The following KCNH5 variants were observed in gnomAD, a reference collection of about 807,000 sequenced individuals.
KCNH5 encodes the protein potassium voltage-gated channel subfamily H member 5.
KCNH5 carries 46 observed loss-of-function variants against 96.1 expected under a neutral mutation model. The ratio of observed to expected loss-of-function variants is 0.48; its 90% CI spans 0.38 to 0.61. The LOEUF (loss-of-function observed/expected upper bound fraction) is 0.61, where lower values mean the gene tolerates loss of function less well. Among genes scored for constraint, KCNH5 ranks in the 20% least tolerant of loss-of-function variants. KCNH5 has a pLI of 0.00. For missense variants in KCNH5, 907 were observed against 1,225.8 expected (o/e 0.74, Z 3.88); for synonymous variants, 439 against 449.8 (o/e 0.98, Z 0.30).
rs555264207 is a variant in KCNH5, at chr14:62,731,815, C to G, written c.2020-23360G>C. ...TTTGAGGAATGATCACCAATGGCCT[C>G]CTTCCCTTTGGTTCTGCCCTACCAC... On this transcript the variant is annotated intron_variant, in intron 10 of 10. Coordinates refer to ENST00000322893, the MANE Select transcript of KCNH5 (RefSeq NM_139318.5). Among the ~76,000 whole-genome samples, 3 of 152,236 alleles carry G rather than the reference C, an allele frequency of 2.0e-5. No individual in the cohort carries two copies. In the East Asian group the frequency reaches 5.8e-4, roughly 29 times the overall value.
intron 5 of KCNH5, among the ~76,000 whole-genome samples, chr14:62,982,286 G>A (rs1355034851): frequency 6.6e-6 from 1 of 152,026 alleles, no homozygotes; most frequent in East Asian, 1.9e-4. Context: ...CTGAGATTGT[G>A]CCACTGCACT....
chr14:62,931,945 A>G (rs1280353253), intron 7 of KCNH5, among the ~76,000 whole-genome samples: 1 of 152,186 alleles, frequency 6.6e-6, no homozygotes, highest in Non-Finnish European at 1.5e-5. Context: ...TCTATTCTCC[A>G]TTCAGCTTCC....
intron 10 of KCNH5, among the ~76,000 whole-genome samples, chr14:62,730,830 G>C (rs1384701384): frequency 6.6e-6 from 1 of 152,092 alleles, no homozygotes; most frequent in African/African-American, 2.4e-5. Context: ...AACCACAAAG[G>C]AATAATTTAC....
intron 10 of KCNH5, among the ~76,000 whole-genome samples, chr14:62,734,049 A>C (rs1566642989): frequency 6.6e-6 from 1 of 152,114 alleles, no homozygotes; most frequent in Non-Finnish European, 1.5e-5. Flanking sequence ...TGCCAAAATC[A>C]TTATCCTAAC....
intron 7 of KCNH5, among the ~76,000 whole-genome samples, chr14:62,905,029 C>T (rs1390865290): frequency 6.6e-6 from 1 of 152,166 alleles, no homozygotes; most frequent in Non-Finnish European, 1.5e-5. Context: ...TGTATTTCTT[C>T]AGTATTGCCC....
At chr14:62,720,515 G>A (rs778427340) in intron 10 of KCNH5, among the ~76,000 whole-genome samples, 17 of 152,162 alleles carry the variant, frequency 1.1e-4, no homozygotes, top group South Asian at 2.1e-4. Context: ...CCCGGGAGGC[G>A]GAGCCTGCAC....
chr14:62,782,205 G>A (rs1224855867), intron 9 of KCNH5, among the ~76,000 whole-genome samples: 1 of 152,230 alleles, frequency 6.6e-6, no homozygotes, highest in East Asian at 1.9e-4. Flanking sequence ...GAAATAGAGA[G>A]GTTGAGTGAG....
chr14:62,790,839 A>T (rs564299092), intron 9 of KCNH5, among the ~76,000 whole-genome samples: 1 of 151,896 alleles, frequency 6.6e-6, no homozygotes, highest in East Asian at 1.9e-4. Context: ...CTGCAACTTT[A>T]TTAAATTTAT....
intron 7 of KCNH5, among the ~76,000 whole-genome samples, chr14:62,903,132 A>C (rs913545387): frequency 1.3e-5 from 2 of 152,256 alleles, no homozygotes; most frequent in African/African-American, 4.8e-5. Context: ...TTTCGGAATA[A>C]TAAATGGTTG....
intron 8 of KCNH5, among the ~76,000 whole-genome samples, chr14:62,806,936 G>T (rs1886779134): frequency 6.6e-6 from 1 of 152,088 alleles, no homozygotes; most frequent in Admixed American, 6.6e-5. Context: ...ATATGGGGAG[G>T]TTTTTCCTCC....
chr14:63,028,906 A>T (rs1891574001), intron 1 of KCNH5, among the ~76,000 whole-genome samples: 1 of 152,116 alleles, frequency 6.6e-6, no homozygotes, highest in Non-Finnish European at 1.5e-5. Context: ...AGACCTAACA[A>T]CTCAAAGAGC....
chr14:62,841,504 C>A (rs10146526), intron 8 of KCNH5, among the ~76,000 whole-genome samples: 16,374 of 152,142 alleles, frequency 0.11, 1,109 homozygotes, highest in East Asian at 0.29. Flanking sequence ...CAAAGTCTAA[C>A]GTATATTTCT....
chr14:62,997,055 G>T lies in KCNH5; in HGVS notation c.433+4276C>A, dbSNP rs575427836. 7.6e-4 allele frequency among the ~76,000 whole-genome samples: 116 copies of T among 152,098 alleles called. No homozygotes were observed. The Middle Eastern group carries it at 0.017, about 22-fold the overall frequency. On this transcript the variant is annotated intron_variant, in intron 4 of 10. Coordinates refer to ENST00000322893, the MANE Select transcript of KCNH5 (RefSeq NM_139318.5). ...AATTTTTTCATTTTTAATTTTTGTG[G>T]GTACATAGTAGCTGTATATATTTAT...
intron 10 of KCNH5, among the ~76,000 whole-genome samples, chr14:62,778,741 A>G (rs1886148819): frequency 6.6e-6 from 1 of 152,244 alleles, no homozygotes; most frequent in African/African-American, 2.4e-5. Context: ...CTATTTGATA[A>G]CAAACGTATG....
At chr14:62,814,782 CAAAA>C (rs71120235) in intron 8 of KCNH5, among the ~76,000 whole-genome samples, 5 of 33,754 alleles carry the variant, frequency 1.5e-4, no homozygotes, top group South Asian at 1.1e-3. Context: ...GACTCCATCT[CAAAA>C]AAAAAAAAAA....
chr14:63,043,610 G>C (rs1052867499), intron 1 of KCNH5, among the ~76,000 whole-genome samples: 8 of 152,042 alleles, frequency 5.3e-5, no homozygotes, highest in Non-Finnish European at 7.4e-5. Context: ...TATTTTTTCC[G>C]ACCCAAATAC....
chr14:62,906,822 A>T (rs1889037253), intron 7 of KCNH5, among the ~76,000 whole-genome samples: 1 of 152,166 alleles, frequency 6.6e-6, no homozygotes, highest in South Asian at 2.1e-4. Flanking sequence ...CATCAGCAAG[A>T]AATGTATATA....
chr14:62,755,480 AC>A (rs1885602180), intron 10 of KCNH5, among the ~76,000 whole-genome samples: 1 of 152,240 alleles, frequency 6.6e-6, no homozygotes, highest in Admixed American at 6.5e-5. Flanking sequence ...CAATGGCTTC[AC>A]AGTTGAATTT....
intron 10 of KCNH5, among the ~76,000 whole-genome samples, chr14:62,738,926 C>G (rs1885215373): frequency 6.6e-6 from 1 of 151,970 alleles, no homozygotes; most frequent in African/African-American, 2.4e-5. Context: ...ATCTGGAAGT[C>G]TTTAGAGATG....
Sources: allele counts gnomAD v4.1 joint callset (sites outside exome capture counted in the v4.1 genomes callset), GRCh38; gene constraint gnomAD v4.1.1; transcripts MANE v1.5; gene names NCBI Gene and HGNC (gene_info 2026-07-23, HGNC 2026-07-21).